The following SPMIP11 variants were observed in gnomAD, a reference collection of about 807,000 sequenced individuals.
The protein encoded by SPMIP11 is long intergenic non-protein coding RNA 935.
At chr12:48,754,552 G>A in the SPMIP11 span, among the ~76,000 whole-genome samples, 12 of 151,956 alleles carry the variant, frequency 7.9e-5, no homozygotes, top group African/African-American at 2.4e-4. Context: ...CCGGGTTCAC[G>A]CCATTCTCCT....
At chr12:48,769,326 T>C in the SPMIP11 span, among the ~76,000 whole-genome samples, 9 of 143,788 alleles carry the variant, frequency 6.3e-5, no homozygotes, top group South Asian at 2.1e-4. Context: ...GGTGGGAGAA[T>C]AGATTGATTG....
the SPMIP11 span, among the ~76,000 whole-genome samples, chr12:48,762,356 C>CATTTTTTT: frequency 3.3e-5 from 2 of 61,222 alleles, no homozygotes; most frequent in African/African-American, 2.0e-4. Context: ...CCCCGCCCAG[C>CATTTTTTT]TTTTTTTTTT....
chr12:48,757,659 TAA>T, the SPMIP11 span, among the ~76,000 whole-genome samples: 2 of 136,218 alleles, frequency 1.5e-5, no homozygotes, highest in South Asian at 2.3e-4. Flanking sequence ...AAAATAAAAA[TAA>T]AAATAAAATA....
At chr12:48,760,831 A>C in the SPMIP11 span, among the ~76,000 whole-genome samples, 1 of 152,320 alleles carries the variant, frequency 6.6e-6, no homozygotes, top group Admixed American at 6.5e-5. Flanking sequence ...AGGGCCCCTC[A>C]TTGGTTTAAA....
chr12:48,736,070 C>T, the SPMIP11 span: 1 of 450,496 alleles, frequency 2.2e-6, no homozygotes, highest in African/African-American at 2.0e-5. Context: ...CTTTTCCTTT[C>T]ATTTTTCCTA....
chr12:48,763,859 A>C, the SPMIP11 span, among the ~76,000 whole-genome samples: 1 of 151,122 alleles, frequency 6.6e-6, no homozygotes, highest in African/African-American at 2.4e-5. Flanking sequence ...TTGTATTTTT[A>C]GTAGAGATGG....
the SPMIP11 span, among the ~76,000 whole-genome samples, chr12:48,754,426 A>T: frequency 5.0e-4 from 76 of 152,016 alleles, no homozygotes; most frequent in African/African-American, 1.7e-3. Context: ...TACTGGGATT[A>T]CAGGCCTGGG....
the SPMIP11 span, among the ~76,000 whole-genome samples, chr12:48,751,844 A>C: frequency 6.6e-6 from 1 of 152,238 alleles, no homozygotes; most frequent in East Asian, 1.9e-4. Flanking sequence ...AGACAGGCAG[A>C]TCACCTGCGG....
chr12:48,767,193 G>A, the SPMIP11 span: 1 of 152,732 alleles, frequency 6.5e-6, no homozygotes, highest in African/African-American at 2.4e-5. Context: ...CTCAGCCTCT[G>A]TCCATCAAAC....
chr12:48,745,590 A>T, the SPMIP11 span, among the ~76,000 whole-genome samples: 18 of 152,206 alleles, frequency 1.2e-4, no homozygotes, highest in Non-Finnish European at 1.9e-4. Flanking sequence ...ACAGAGTAAG[A>T]CTTTGTCTCA....
At chr12:48,749,683 G>GTTC in the SPMIP11 span, among the ~76,000 whole-genome samples, 37,055 of 129,484 alleles carry the variant, frequency 0.29, 7,192 homozygotes, top group Non-Finnish European at 0.42. Flanking sequence ...TCTGTCTCTG[G>GTTC]TTCTTCTTCT....
At chr12:48,770,106 AT>A in the SPMIP11 span, among the ~76,000 whole-genome samples, 6 of 115,588 alleles carry the variant, frequency 5.2e-5, no homozygotes, top group African/African-American at 2.1e-4. Flanking sequence ...GGGTTTCACT[AT>A]GTTGGTCAGG....
chr12:48,769,580 CTTTCT>C, the SPMIP11 span, among the ~76,000 whole-genome samples: 3 of 150,774 alleles, frequency 2.0e-5, no homozygotes, highest in South Asian at 6.3e-4. Context: ...TGGCTTCATC[CTTTCT>C]TTTCTTTTTT....
the SPMIP11 span, chr12:48,766,622 AAGT>A: frequency 6.5e-6 from 1 of 152,674 alleles, no homozygotes; most frequent in African/African-American, 2.4e-5. Context: ...ATGACTAATG[AAGT>A]ACCTGATGGC....
chr12:48,759,626 T>C, the SPMIP11 span, among the ~76,000 whole-genome samples: 1 of 148,274 alleles, frequency 6.7e-6, no homozygotes, highest in Non-Finnish European at 1.5e-5. Context: ...GCCAAGATCG[T>C]GCCACTGCAC....
chr12:48,768,959 G>A, the SPMIP11 span: 3 of 1,613,842 alleles, frequency 1.9e-6, no homozygotes, highest in East Asian at 2.2e-5. Flanking sequence ...GGGGACCCCC[G>A]TGCTGTCCAT....
chr12:48,756,771 C>CTTTTTT, the SPMIP11 span, among the ~76,000 whole-genome samples: 2 of 108,648 alleles, frequency 1.8e-5, 1 homozygote, highest in African/African-American at 5.7e-5. Context: ...ATTTTTTTTT[C>CTTTTTT]TTTTTTTCTT....
the SPMIP11 span, chr12:48,771,237 T>TTC: frequency 9.3e-6 from 5 of 536,896 alleles, no homozygotes; most frequent in Non-Finnish European, 1.7e-5. This position sits in a 1 kb window ranked among gnomAD's most constrained non-coding sequence, Gnocchi z 4.3. Flanking sequence ...ATTAAGCAAT[T>TTC]TCTCCAATCC....
chr12:48,762,911 G>A, the SPMIP11 span, among the ~76,000 whole-genome samples: 7 of 151,696 alleles, frequency 4.6e-5, no homozygotes, highest in East Asian at 1.4e-3. Context: ...TTTTGTTTTT[G>A]TTTTTAATAG....
Sources: gnomAD v4.1 joint callset for allele counts (sites outside exome capture counted in the v4.1 genomes callset) on GRCh38, gnomAD v4.1.1 for gene constraint, Gnocchi (gnomAD v3.1) non-coding constraint, MANE v1.5 for transcripts, NCBI Gene and HGNC (gene_info 2026-07-23, HGNC 2026-07-21) for gene names.